Variants in ST6GAL1 observed in about 807,000 individuals in gnomAD.
ST6GAL1 encodes beta-galactoside alpha-2,6-sialyltransferase 1.
In ST6GAL1, 20 loss-of-function variants were observed where a neutral mutation model predicts 38.0. The ratio of observed to expected loss-of-function variants is 0.53; its 90% CI spans 0.37 to 0.77. The LOEUF (loss-of-function observed/expected upper bound fraction) is 0.77, where lower values mean the gene tolerates loss of function less well. Ranked by LOEUF, ST6GAL1 falls within the 30% of genes least tolerant of loss-of-function variation. ST6GAL1 has a pLI of 0.00. For synonymous variants in ST6GAL1, 196 were observed against 188.2 expected, an observed-to-expected ratio of 1.04 and a Z score of -0.34; for missense variants, 432 against 496.4, an observed-to-expected ratio of 0.87 and a Z score of 1.23.
intron 6 of ST6GAL1, 98 bp from the exon 7 acceptor site, chr3:187,074,060 TC>T: frequency 8.8e-7 from 1 of 1,132,528 alleles, no homozygotes; most frequent in Non-Finnish European, 1.2e-6. Context: ...CACTTGTTGA[TC>T]CTTTCCCCTC....
chr3:187,005,171 G>A (rs1341805971), intron 2 of ST6GAL1, among the ~76,000 whole-genome samples: 2 of 151,916 alleles, frequency 1.3e-5, no homozygotes, highest in African/African-American at 4.8e-5. Context: ...CGTAAGTGGG[G>A]TATACACAAA....
At chr3:186,977,759 GAC>G (rs1715567877) in intron 2 of ST6GAL1, among the ~76,000 whole-genome samples, 1 of 152,046 alleles carries the variant, frequency 6.6e-6, no homozygotes, top group Non-Finnish European at 1.5e-5. Flanking sequence ...TCATATAAAA[GAC>G]ACATAAAATA....
intron 2 of ST6GAL1, among the ~76,000 whole-genome samples, chr3:187,023,735 G>T (rs901658004): frequency 6.6e-6 from 1 of 152,076 alleles, no homozygotes; most frequent in Admixed American, 6.6e-5. Flanking sequence ...GGACTGTTGT[G>T]GGGTGGGGGG....
chr3:186,969,031 T>A (rs944879245), intron 2 of ST6GAL1, among the ~76,000 whole-genome samples: 1 of 149,624 alleles, frequency 6.7e-6, no homozygotes, highest in African/African-American at 2.5e-5. Flanking sequence ...TCTTTTTCTT[T>A]TTTTCTTTCT....
chr3:187,049,125 A>C (rs1392027739), intron 4 of ST6GAL1, among the ~76,000 whole-genome samples: 1 of 152,122 alleles, frequency 6.6e-6, no homozygotes, highest in Non-Finnish European at 1.5e-5. Context: ...TCCTGACTTC[A>C]GGTGATCCAC....
intron 2 of ST6GAL1, among the ~76,000 whole-genome samples, chr3:186,964,719 G>A (rs995803929): frequency 6.6e-6 from 1 of 152,160 alleles, no homozygotes; most frequent in Non-Finnish European, 1.5e-5. Context: ...AACTGACCAC[G>A]ATGGGGAAAC....
At chr3:186,978,608 C>A (rs1174093789) in intron 2 of ST6GAL1, among the ~76,000 whole-genome samples, 13 of 152,234 alleles carry the variant, frequency 8.5e-5, no homozygotes, top group African/African-American at 2.9e-4. Context: ...CCCTCTTCAC[C>A]TCTTCGTGCT....
intron 2 of ST6GAL1, among the ~76,000 whole-genome samples, chr3:186,980,930 G>A (rs546557099): frequency 6.6e-5 from 10 of 152,162 alleles, no homozygotes; most frequent in Non-Finnish European, 1.2e-4. Flanking sequence ...TGTTGGGTGT[G>A]ATGGCTGAGC....
chr3:187,058,316 G>T (rs1718789257), intron 5 of ST6GAL1, among the ~76,000 whole-genome samples: 1 of 152,154 alleles, frequency 6.6e-6, no homozygotes, highest in African/African-American at 2.4e-5. Context: ...TGTCCAACCA[G>T]TCCCAATGAT....
chr3:187,058,418 A>T (rs1029378488), intron 5 of ST6GAL1, among the ~76,000 whole-genome samples: 5 of 152,254 alleles, frequency 3.3e-5, no homozygotes, highest in Admixed American at 1.3e-4. Flanking sequence ...TTCCTATTTG[A>T]CCATCATAAG....
At chr3:187,048,453 G>T (rs960252465) in intron 4 of ST6GAL1, among the ~76,000 whole-genome samples, 7 of 152,098 alleles carry the variant, frequency 4.6e-5, no homozygotes, top group African/African-American at 1.7e-4. Context: ...CCCAAGGCTG[G>T]CCATCCTTTG....
intron 1 of ST6GAL1, among the ~76,000 whole-genome samples, chr3:186,937,739 C>T (rs1714017070): frequency 1.3e-5 from 2 of 152,178 alleles, no homozygotes; most frequent in African/African-American, 2.4e-5. Context: ...CAGCCAACCA[C>T]ATCTAACTTT....
chr3:187,023,644 C>T (rs1717408439), intron 2 of ST6GAL1, among the ~76,000 whole-genome samples: 1 of 152,012 alleles, frequency 6.6e-6, no homozygotes, highest in African/African-American at 2.4e-5. Context: ...GACAAAAAGC[C>T]AAACACCACA....
intron 2 of ST6GAL1, among the ~76,000 whole-genome samples, chr3:187,022,402 T>C (rs1579329426): frequency 6.6e-6 from 1 of 152,206 alleles, no homozygotes; most frequent in Non-Finnish European, 1.5e-5. Flanking sequence ...TTACAAGTCT[T>C]AAGTGCGTTT....
intron 2 of ST6GAL1, among the ~76,000 whole-genome samples, chr3:186,976,522 C>T (rs1167333192): frequency 2.0e-5 from 3 of 152,164 alleles, no homozygotes; most frequent in African/African-American, 4.8e-5. Flanking sequence ...CTCCATCTCC[C>T]GGGTTCAAGC....
chr3:187,059,316 C>T (rs1054548104), intron 5 of ST6GAL1, among the ~76,000 whole-genome samples: 5 of 152,188 alleles, frequency 3.3e-5, no homozygotes, highest in African/African-American at 9.7e-5. Context: ...GCTGCTTGTG[C>T]TCTGGCAAGT....
intron 2 of ST6GAL1, among the ~76,000 whole-genome samples, chr3:186,979,520 A>C (rs770368712): frequency 2.7e-5 from 4 of 145,608 alleles, no homozygotes; most frequent in African/African-American, 4.9e-5. Context: ...AAAGGAGGGT[A>C]GGGGTAGAAG....
chr3:187,013,076 A>T (rs1477821636), intron 2 of ST6GAL1, among the ~76,000 whole-genome samples: 1 of 152,266 alleles, frequency 6.6e-6, no homozygotes, highest in Non-Finnish European at 1.5e-5. Flanking sequence ...ATTCTGTACC[A>T]GTCACGAAGA....
chr3:186,938,667 C>T (rs1714048578), intron 1 of ST6GAL1, among the ~76,000 whole-genome samples: 1 of 152,122 alleles, frequency 6.6e-6, no homozygotes, highest in Non-Finnish European at 1.5e-5. Flanking sequence ...TGATCGTTCA[C>T]ATGATGCATA....
Sources: gnomAD v4.1 joint callset for allele counts (sites outside exome capture counted in the v4.1 genomes callset) on GRCh38, gnomAD v4.1.1 for gene constraint, MANE v1.5 for transcripts, NCBI Gene and HGNC (gene_info 2026-07-23, HGNC 2026-07-21) for gene names.